The following SLIT2 variants were observed in gnomAD, a reference collection of about 807,000 sequenced individuals.
SLIT2 encodes the protein slit homolog 2 protein.
SLIT2 carries 41 observed loss-of-function variants against 185.7 expected under a neutral mutation model. The ratio of observed to expected loss-of-function variants is 0.22; its 90% CI spans 0.17 to 0.29. SLIT2 has a LOEUF of 0.29. SLIT2 is among the 10% of genes least tolerant of loss of function. The pLI, the probability that SLIT2 is intolerant of heterozygous loss-of-function variation, is 1.00. For synonymous variants in SLIT2, 693 were observed against 680.2 expected (o/e 1.02, Z -0.29); for missense variants, 1,571 against 1,909.0 (o/e 0.82, Z 3.30).
rs371879217 is a variant in SLIT2, at chr4:20,617,007, T to C, written c.3945T>C (p.Ser1315=). Reference sequence around the variant, plus strand: ...GCATCCGGAACCTTTACATCAACAGTGAGCTGCAGGACTTCCAGAAGGTGC... The same window carrying C: ...GCATCCGGAACCTTTACATCAACAGCGAGCTGCAGGACTTCCAGAAGGTGC... ...HGCIRNLYIN[S]ELQDFQKVPM... is the part of the protein sequence containing the mutation. The change falls in exon 35 of 37, where the codon AGT becomes AGC. Residue 1315 remains serine, a synonymous_variant. Transcript: ENST00000504154. The C allele has an allele frequency of 3.7e-6, 6 of 1,613,982 alleles. No individual in the cohort carries two copies. The highest frequency in any genetic ancestry group is 5.1e-6 in the Non-Finnish European group (6 of 1,180,020).
rs558018740 is a variant in SLIT2 at position 20,567,173 on chromosome 4, A to G, written c.2726-89A>G. ...GATATGTGACCAATAATAATTTTAT[A>G]TGAAATTTACCATTACATTAAGGCA... On this transcript the variant is annotated intron_variant, in intron 26 of 36. Transcript: ENST00000504154. 4.5e-4 allele frequency: 517 copies of G among 1,142,256 alleles called. 7 individuals are homozygous for G. The South Asian group carries it at 6.4e-3, about 14-fold the overall frequency. 70.8% of individuals were successfully genotyped at this position (1,142,256 alleles called of 1,614,324 possible).
At chr4:20,431,881 GTGTTTGGAACT>G in intron 4 of SLIT2, among the ~76,000 whole-genome samples, 1 of 152,286 alleles carries the variant, frequency 6.6e-6, no homozygotes. Flanking sequence ...GTGAGTAGGA[GTGTTTGGAACT>G]TGATTATTGT....
At chr4:20,434,042 G>A (rs75714795) in intron 4 of SLIT2, among the ~76,000 whole-genome samples, 5,418 of 152,180 alleles carry the variant, frequency 0.036, 341 homozygotes, top group African/African-American at 0.12. Context: ...ATAAAGCTTT[G>A]TGTCCCATTT....
At chr4:20,310,587 A>AT (rs1301221860) in intron 4 of SLIT2, among the ~76,000 whole-genome samples, 1 of 152,122 alleles carries the variant, frequency 6.6e-6, no homozygotes, top group Non-Finnish European at 1.5e-5. Context: ...TCTCTAGATT[A>AT]TTACATTGGT....
chr4:20,323,509 A>T (rs1423812164), intron 4 of SLIT2, among the ~76,000 whole-genome samples: 1 of 152,192 alleles, frequency 6.6e-6, no homozygotes, highest in South Asian at 2.1e-4. Flanking sequence ...GCAAATACAC[A>T]TGGATATCAG....
chr4:20,426,977 C>G (rs1264544971), intron 4 of SLIT2, among the ~76,000 whole-genome samples: 1 of 152,126 alleles, frequency 6.6e-6, no homozygotes, highest in Non-Finnish European at 1.5e-5. Flanking sequence ...GGATCTGAAT[C>G]TTACCTGCCC....
chr4:20,467,659 T>C, intron 4 of SLIT2, 93 bp from the exon 5 acceptor site: 1 of 669,800 alleles, frequency 1.5e-6, no homozygotes, highest in South Asian at 2.3e-5. Context: ...TCTTTTTTCT[T>C]TCTGGTGTCC....
intron 17 of SLIT2, among the ~76,000 whole-genome samples, chr4:20,532,676 C>G (rs1721914124): frequency 6.6e-6 from 1 of 152,170 alleles, no homozygotes; most frequent in Non-Finnish European, 1.5e-5. Flanking sequence ...CATCAGCTCA[C>G]TTTAGCTGTG....
intron 28 of SLIT2, 133 bp downstream of exon 28, chr4:20,567,748 G>A (rs1457038408): frequency 2.9e-6 from 2 of 686,326 alleles, no homozygotes; most frequent in South Asian, 1.8e-5. Flanking sequence ...ATATGTATTG[G>A]TCCCTCTCGT....
intron 10 of SLIT2, 135 bp from the exon 11 acceptor site, chr4:20,510,931 G>C (rs565813730): frequency 3.6e-6 from 2 of 560,894 alleles, no homozygotes; most frequent in Non-Finnish European, 6.5e-6. Context: ...TGATCCTTCA[G>C]ATGTTCAATG....
rs371570009 is a variant in SLIT2, at chr4:20,589,636, T to G, written c.3089-8T>G. ...TTCTATGAGCTAACACTGTTTGCCC[T>G]GTTGCAGGTGAGTTGTGTGAGGAGA... On this transcript the variant is annotated splice_polypyrimidine_tract_variant and splice_region_variant and intron_variant, in intron 29 of 36. Coordinates refer to ENST00000504154, the MANE Select transcript of SLIT2 (RefSeq NM_004787.4). 5.0e-6 allele frequency: 8 copies of G among 1,611,200 alleles called. No individual in the cohort carries two copies. The highest frequency in any genetic ancestry group is 2.7e-5 in the African/African-American group (2 of 74,890).
intron 4 of SLIT2, among the ~76,000 whole-genome samples, chr4:20,460,905 C>T (rs1713634698): frequency 1.3e-5 from 2 of 152,216 alleles, no homozygotes; most frequent in Middle Eastern, 3.4e-3. Context: ...AGGGACTCCC[C>T]AATAATGAAA....
chr4:20,406,900 A>C (rs1031387888), intron 4 of SLIT2, among the ~76,000 whole-genome samples: 23 of 106,726 alleles, frequency 2.2e-4, no homozygotes, highest in African/African-American at 6.1e-4. Flanking sequence ...AGATGGAAAC[A>C]ATGTAACTGT....
At chr4:20,546,140 C>A in intron 22 of SLIT2, 41 bp downstream of exon 22, 2 of 1,135,610 alleles carry the variant, frequency 1.8e-6, no homozygotes, top group Non-Finnish European at 1.3e-6. Context: ...TACTCTATTT[C>A]CAGAAAATGG....
intron 4 of SLIT2, among the ~76,000 whole-genome samples, chr4:20,355,766 G>C (rs569229616): frequency 6.6e-6 from 1 of 152,040 alleles, no homozygotes; most frequent in Non-Finnish European, 1.5e-5. Flanking sequence ...GTAGAAGTAC[G>C]CAAGAAAGTG....
At chr4:20,471,278 A>C (rs111300883) in intron 5 of SLIT2, among the ~76,000 whole-genome samples, 1 of 12,032 alleles carries the variant, frequency 8.3e-5, no homozygotes, top group African/African-American at 2.3e-4. Context: ...ATGAAGTTTA[A>C]TCATGAAAAC....
In SLIT2 at chr4:20,430,259, T is replaced by G. The variant is rs182949418; in HGVS notation, c.396-37493T>G. The stretch of plus-strand genomic sequence containing the variant: ...TATCTTACAAGCTAGACCATTGGAG[T>G]TGCAGGCTCATGCTTAGCTATGTGA... On this transcript the variant is annotated intron_variant, in intron 4 of 36. Coordinates refer to ENST00000504154, the MANE Select transcript of SLIT2 (RefSeq NM_004787.4). Among the ~76,000 whole-genome samples the G allele has an allele frequency of 2.6e-5, 4 of 152,312 alleles. No individual in the cohort carries two copies. In the South Asian group the frequency reaches 8.3e-4, roughly 32 times the overall value.
chr4:20,327,279 A>G (rs1317420532), intron 4 of SLIT2, among the ~76,000 whole-genome samples: 1 of 152,014 alleles, frequency 6.6e-6, no homozygotes, highest in Non-Finnish European at 1.5e-5. Context: ...ATTGAGAATG[A>G]TACCTTTCCC....
intron 9 of SLIT2, among the ~76,000 whole-genome samples, chr4:20,500,581 T>TA (rs1718639936): frequency 6.6e-6 from 1 of 152,174 alleles, no homozygotes; most frequent in Non-Finnish European, 1.5e-5. Flanking sequence ...AAAAAGTGTC[T>TA]TGTATCATAC....
Sources: gnomAD v4.1 joint callset for allele counts (sites outside exome capture counted in the v4.1 genomes callset) on GRCh38, gnomAD v4.1.1 for gene constraint, MANE v1.5 for transcripts, NCBI Gene and HGNC (gene_info 2026-07-23, HGNC 2026-07-21) for gene names.